The following RP1 variants were observed in gnomAD, a reference collection of about 807,000 sequenced individuals.
RP1 encodes the protein oxygen-regulated protein 1.
RP1 carries 16 observed loss-of-function variants against 14.8 expected under a neutral mutation model. The ratio of observed to expected loss-of-function variants is 1.08; its 90% CI spans 0.73 to 1.65. RP1 has a LOEUF of 1.65. Ranked by LOEUF, RP1 falls within the 40% of genes most tolerant of loss-of-function variation. The pLI is 0.00. For missense variants in RP1, 2,631 were observed against 2,535.0 expected (o/e 1.04, Z -0.81); for synonymous variants, 876 against 883.6 (o/e 0.99, Z 0.15).
chr8:54,696,346 A>T, intron 12 of RP1: 1 of 520,240 alleles, frequency 1.9e-6, no homozygotes, highest in Non-Finnish European at 3.4e-6. Flanking sequence ...AATAGTAAGA[A>T]ATGAAGGATT....
chr8:54,659,201 T>C (rs1456991852), intron 6 of RP1, among the ~76,000 whole-genome samples: 1 of 152,200 alleles, frequency 6.6e-6, no homozygotes, highest in Non-Finnish European at 1.5e-5. Context: ...ATTGTTGCCT[T>C]TGCTGTGCAG....
intron 1 of RP1, among the ~76,000 whole-genome samples, chr8:54,589,184 C>T (rs1410907254): frequency 6.6e-6 from 1 of 152,190 alleles, no homozygotes; most frequent in Non-Finnish European, 1.5e-5. Flanking sequence ...CCCCTTCTAA[C>T]CTCTTTAAAG....
intron 19 of RP1, among the ~76,000 whole-genome samples, chr8:54,752,306 GT>G (rs1809392098): frequency 6.6e-6 from 1 of 152,110 alleles, no homozygotes; most frequent in South Asian, 2.1e-4. Flanking sequence ...AAGTAAGAAA[GT>G]TTTACCCTAT....
intron 24 of RP1, among the ~76,000 whole-genome samples, chr8:54,832,501 T>A (rs934293763): frequency 2.0e-5 from 3 of 151,974 alleles, no homozygotes; most frequent in Non-Finnish European, 4.4e-5. Flanking sequence ...TTGACAATGC[T>A]TATCTCTTTA....
chr8:54,856,314 T>C (rs567156195), intron 26 of RP1, among the ~76,000 whole-genome samples: 4 of 152,220 alleles, frequency 2.6e-5, no homozygotes, highest in South Asian at 4.2e-4. Flanking sequence ...GAGGGGCATG[T>C]TGGGGTCTTA....
At position 54,735,439 on chromosome 8, in the gene RP1, T is replaced by C. The variant is rs1183589335; in HGVS notation, c.2721+695T>C. Among the ~76,000 whole-genome samples the C allele has an allele frequency of 2.0e-5, 3 of 152,276 alleles. No individual in the cohort carries two copies. The East Asian group carries it at 5.8e-4, about 29-fold the overall frequency. On this transcript the variant is annotated intron_variant, in intron 18 of 22. Coordinates refer to the RP1 transcript ENST00000636932. The stretch of plus-strand genomic sequence containing the variant: ...TGCCTGTGAAAGCTGTGTGGCTCTT[T>C]GGTGTACTGTTAAACAGCAGTCATT...
exon 13 of RP1, chr8:54,699,502 T>C (rs775319532): frequency 7.1e-7 from 1 of 1,402,802 alleles, no homozygotes; most frequent in South Asian, 1.7e-5. Flanking sequence ...AAGAAATATA[T>C]GCATTTTCCA....
intron 3 of RP1, among the ~76,000 whole-genome samples, chr8:54,637,950 C>G (rs1806382375): frequency 6.6e-6 from 1 of 152,070 alleles, no homozygotes; most frequent in African/African-American, 2.4e-5. Flanking sequence ...TTGGGGAAGT[C>G]CCTTCCCAAC....
intron 12 of RP1, among the ~76,000 whole-genome samples, chr8:54,680,088 A>T (rs892114826): frequency 2.0e-5 from 3 of 152,228 alleles, no homozygotes; most frequent in African/African-American, 7.2e-5. Context: ...CTGTATTAAT[A>T]GAAATGATAA....
intron 19 of RP1, among the ~76,000 whole-genome samples, chr8:54,745,093 C>T (rs764437128): frequency 2.6e-5 from 4 of 152,130 alleles, no homozygotes; most frequent in African/African-American, 9.7e-5. Context: ...TTCTGTTGGT[C>T]GTTTGAGCAT....
At chr8:54,768,138 C>G (rs970524435) in intron 22 of RP1, among the ~76,000 whole-genome samples, 1 of 152,226 alleles carries the variant, frequency 6.6e-6, no homozygotes, top group Non-Finnish European at 1.5e-5. Context: ...GTGCGTCAGC[C>G]ACGTGGAATC....
At position 54,658,269 on chromosome 8, in the gene RP1, A is replaced by G. The variant is rs558819218; in HGVS notation, c.1171+2054A>G. 5.3e-5 allele frequency among the ~76,000 whole-genome samples: 8 copies of G among 152,220 alleles called. No homozygotes were observed. The South Asian group carries it at 1.7e-3, about 32-fold the overall frequency. On this transcript the variant is annotated intron_variant, in intron 6 of 22. Coordinates refer to the RP1 transcript ENST00000636932. Reference sequence around the variant, plus strand: ...ATTTTTATTCTTTTTAAGACTGCGTAGGCCGGGCGCGGTGGCTCACGCCTG... The same window carrying G: ...ATTTTTATTCTTTTTAAGACTGCGTGGGCCGGGCGCGGTGGCTCACGCCTG...
intron 1 of RP1, among the ~76,000 whole-genome samples, chr8:54,570,373 G>C (rs1804494831): frequency 2.0e-5 from 3 of 150,472 alleles, no homozygotes; most frequent in African/African-American, 7.3e-5. Flanking sequence ...CTGTCTCCCA[G>C]GCTGGAGTGC....
chr8:54,731,077 CCA>C (rs1224951893), intron 17 of RP1, among the ~76,000 whole-genome samples: 2 of 152,110 alleles, frequency 1.3e-5, no homozygotes, highest in African/African-American at 4.8e-5. Context: ...CCTTTTATGG[CCA>C]CACTCTGATG....
At chr8:54,733,224 C>T (rs909373824) in intron 17 of RP1, among the ~76,000 whole-genome samples, 1 of 152,106 alleles carries the variant, frequency 6.6e-6, no homozygotes, top group Non-Finnish European at 1.5e-5. Flanking sequence ...AACTTCCCTG[C>T]TTCTTTTCCT....
chr8:54,592,684 A>C (rs1805066037), intron 1 of RP1, among the ~76,000 whole-genome samples: 2 of 152,130 alleles, frequency 1.3e-5, no homozygotes, highest in African/African-American at 4.8e-5. Flanking sequence ...TAACAGGAAG[A>C]GTGAGGTGGT....
intron 1 of RP1, among the ~76,000 whole-genome samples, chr8:54,581,125 A>G (rs1160081414): frequency 1.3e-5 from 2 of 152,018 alleles, no homozygotes; most frequent in Non-Finnish European, 2.9e-5. Flanking sequence ...ATTTAGCATT[A>G]GGTATATCTC....
At chr8:54,580,043 A>G (rs1804747937) in intron 1 of RP1, among the ~76,000 whole-genome samples, 2 of 152,188 alleles carry the variant, frequency 1.3e-5, no homozygotes, top group South Asian at 4.1e-4. Context: ...GGCCCAGAGC[A>G]GCAGAAAAAG....
intron 24 of RP1, among the ~76,000 whole-genome samples, chr8:54,808,822 C>G (rs1448002005): frequency 6.6e-6 from 1 of 152,176 alleles, no homozygotes; most frequent in Non-Finnish European, 1.5e-5. Context: ...GAAACTCTGA[C>G]TACTATGTTA....
Sources: gnomAD v4.1 joint callset for allele counts (sites outside exome capture counted in the v4.1 genomes callset) on GRCh38, gnomAD v4.1.1 for gene constraint, MANE v1.5 for transcripts, NCBI Gene and HGNC (gene_info 2026-07-23, HGNC 2026-07-21) for gene names.